CHD7: variants seen among roughly 807,000 people sequenced by gnomAD.
CHD7 encodes the protein ATP-dependent chromatin remodeler CHD7.
A neutral mutation model predicts 307.3 loss-of-function variants in CHD7; 24 were observed. That is an observed-to-expected ratio of 0.08 (90% confidence interval 0.06 to 0.11). The LOEUF is 0.11. Ranked by LOEUF, CHD7 falls within the 10% of genes least tolerant of loss-of-function variation. CHD7 has a pLI of 1.00. For missense variants in CHD7, 3,106 were observed against 3,727.1 expected (o/e 0.83, Z 4.34); for synonymous variants, 1,363 against 1,349.9 (o/e 1.01, Z -0.21).
chr8:60,747,802 G>A (rs1316334373), intron 2 of CHD7, among the ~76,000 whole-genome samples: 3 of 152,220 alleles, frequency 2.0e-5, no homozygotes, highest in Non-Finnish European at 2.9e-5. Context: ...ACCACCTGAC[G>A]TTAGTAAGGG....
chr8:60,816,113 GTCTCTCTCTCTC>G (rs201056061), intron 7 of CHD7, among the ~76,000 whole-genome samples: 22,471 of 139,334 alleles, frequency 0.16, 1,990 homozygotes, highest in East Asian at 0.26. Context: ...CTGTCTGTCT[GTCTCTCTCTCTC>G]TCTCTCTCTC....
chr8:60,782,632 T>TG (rs1410072564), intron 3 of CHD7, among the ~76,000 whole-genome samples: 1 of 152,220 alleles, frequency 6.6e-6, no homozygotes, highest in African/African-American at 2.4e-5. Context: ...TGCATTTACT[T>TG]GTGAATTTTC....
rs754461179 is a variant in CHD7 at position 60,781,031 on chromosome 8, C to A, written c.1697C>A (p.Pro566Gln). The A allele has an allele frequency of 2.5e-6, 4 of 1,581,388 alleles. No individual in the cohort carries two copies. The highest frequency in any genetic ancestry group is 3.4e-6 in the Non-Finnish European group (4 of 1,167,310). ...HSPSEPFLEKPVPDMTQVSGP... is the reference protein window; with the variant it reads ...HSPSEPFLEKQVPDMTQVSGP... ...CCGTCGGAGCCCTTTCTAGAGAAAC[C>A]AGTGCCGGATATGACTCAGGTTAGT... Residue 566 changes from proline (P) to glutamine (Q), a missense_variant, in exon 3 of 38, where the codon CCA becomes CAA. By Grantham distance (76) the Pro-to-Gln change is moderately conservative (BLOSUM62 -1). Coordinates refer to ENST00000423902, the MANE Select transcript of CHD7 (RefSeq NM_017780.4).
intron 1 of CHD7, among the ~76,000 whole-genome samples, chr8:60,695,768 CAAATT>C (rs545297920): frequency 2.3e-4 from 35 of 152,192 alleles, no homozygotes; most frequent in Admixed American, 1.9e-3. Flanking sequence ...TTTAAAAATG[CAAATT>C]AAATTAAAAT....
At chr8:60,809,363 G>T (rs1280618654) in intron 7 of CHD7, 2 of 152,196 alleles carry the variant, frequency 1.3e-5, no homozygotes. Flanking sequence ...TGGAAATTAT[G>T]CCTACAACAC....
At position 60,837,382 on chromosome 8, in the gene CHD7, A is replaced by G. The variant is rs575449049; in HGVS notation, c.4186-286A>G. On this transcript the variant is annotated intron_variant, in intron 17 of 37. Transcript: ENST00000423902. ...TTCTGGAGGTTGGAAGTCCAAAATC[A>G]GAGTGCCAGCAGAGTCAGGTTCTTG... 9.3e-4 allele frequency among the ~76,000 whole-genome samples: 142 copies of G among 152,284 alleles called. 1 individual carries two copies. Among genetic ancestry groups the G allele is most frequent in the African/African-American group, 3.2e-3 (132 of 41,546 alleles).
chr8:60,681,753 A>G (rs573083279), intron 1 of CHD7, among the ~76,000 whole-genome samples: 2 of 152,024 alleles, frequency 1.3e-5, no homozygotes, highest in Non-Finnish European at 2.9e-5. Flanking sequence ...AAGAATTGGG[A>G]TTGTTTTCTA....
intron 1 of CHD7, among the ~76,000 whole-genome samples, chr8:60,696,476 C>T (rs1343390205): frequency 1.3e-5 from 2 of 152,194 alleles, no homozygotes; most frequent in African/African-American, 2.4e-5. Context: ...GCAGTTTCTT[C>T]AGCTGTGACA....
intron 1 of CHD7, among the ~76,000 whole-genome samples, chr8:60,681,569 G>A (rs1036020140): frequency 7.2e-5 from 11 of 152,256 alleles, no homozygotes; most frequent in African/African-American, 2.6e-4. Context: ...AAAAGTTATA[G>A]TAAAATAATT....
chr8:60,821,985 T>C (rs1429214315), intron 10 of CHD7, 39 bp from the exon 11 acceptor site: 2 of 1,613,318 alleles, frequency 1.2e-6, no homozygotes, highest in African/African-American at 2.7e-5. Flanking sequence ...GGTGTGGTCT[T>C]TGGGAAACCA....
In CHD7 at chr8:60,865,748, A is replaced by G; in HGVS notation, c.8809A>G (p.Lys2937Glu). The G allele has an allele frequency of 2.5e-6, 4 of 1,612,336 alleles. No individual in the cohort carries two copies. The highest frequency in any genetic ancestry group is 3.4e-6 in the Non-Finnish European group (4 of 1,179,028). ...GAATGCCGTGGGCTCCAGCGAAGAA[A>G]AGGCTGCTGACAAGGCTGAGGGAGG... ...LQNAVGSSEEKAADKAEGGPF... is the reference protein window; with the variant it reads ...LQNAVGSSEEEAADKAEGGPF... Residue 2937 changes from lysine to glutamate, a missense_variant, in exon 38 of 38, where the codon AAG (lysine) becomes GAG (glutamate). Coordinates refer to ENST00000423902, the MANE Select transcript of CHD7 (RefSeq NM_017780.4). This position sits in a 1 kb window ranked among gnomAD's most constrained non-coding sequence, Gnocchi z 4.3.
At chr8:60,720,874 A>G (rs1270856470) in intron 1 of CHD7, among the ~76,000 whole-genome samples, 1 of 152,192 alleles carries the variant, frequency 6.6e-6, no homozygotes, top group Non-Finnish European at 1.5e-5. Flanking sequence ...GCTTGCCACC[A>G]TCAGCAGCAG....
intron 7 of CHD7, 70 bp from the exon 8 acceptor site, chr8:60,816,317 T>G (rs773419882): frequency 1.2e-5 from 11 of 908,852 alleles, no homozygotes; most frequent in Non-Finnish European, 1.9e-5. Flanking sequence ...TAGTTGACTT[T>G]TTTGAATAAG....
chr8:60,836,335 CA>C, intron 16 of CHD7, 52 bp downstream of exon 16: 1 of 1,468,618 alleles, frequency 6.8e-7, no homozygotes. Context: ...ATTACCTTCC[CA>C]GGGGTCCAAG....
chr8:60,851,259 A>G lies in CHD7; in HGVS notation c.5608-3A>G. ...TAATTCTGTTTCTTGCTTTGCTTTC[A>G]AGGAATTTGCAAATTCTCCTTCAGA... On this transcript the variant is annotated splice_polypyrimidine_tract_variant and splice_region_variant and intron_variant, in intron 27 of 37. Coordinates refer to ENST00000423902, the MANE Select transcript of CHD7 (RefSeq NM_017780.4). 1 of 1,553,634 alleles carries G rather than the reference A, an allele frequency of 6.4e-7. No homozygotes were observed. Among genetic ancestry groups the G allele is most frequent in the Non-Finnish European group, 8.7e-7 (1 of 1,147,624 alleles).
At chr8:60,800,555 T>A (rs1024221270) in intron 5 of CHD7, 30 bp downstream of exon 5, 5 of 1,530,750 alleles carry the variant, frequency 3.3e-6, no homozygotes, top group Non-Finnish European at 3.5e-6. Context: ...GATTTATGGA[T>A]GCATTTTAAA....
chr8:60,684,092 TG>T (rs909076144), intron 1 of CHD7, among the ~76,000 whole-genome samples: 9 of 152,328 alleles, frequency 5.9e-5, no homozygotes, highest in Non-Finnish European at 1.3e-4. Context: ...AGGATTTTTT[TG>T]GGGTTTCTGT....
intron 1 of CHD7, among the ~76,000 whole-genome samples, chr8:60,706,616 CAA>C (rs1323468080): frequency 1.3e-5 from 2 of 151,976 alleles, no homozygotes; most frequent in Non-Finnish European, 2.9e-5. Flanking sequence ...TATAAAAAGA[CAA>C]ATTTGAGATT....
chr8:60,699,875 G>C (rs549079966), intron 1 of CHD7, among the ~76,000 whole-genome samples: 1 of 146,010 alleles, frequency 6.8e-6, no homozygotes, highest in Non-Finnish European at 1.5e-5. Flanking sequence ...TGCTTTTGTT[G>C]CCCAGGCTGG....
Sources: allele counts gnomAD v4.1 joint callset (sites outside exome capture counted in the v4.1 genomes callset), GRCh38; gene constraint gnomAD v4.1.1; non-coding constraint Gnocchi (gnomAD v3.1); transcripts MANE v1.5; gene names NCBI Gene and HGNC (gene_info 2026-07-23, HGNC 2026-07-21).